The following MACF1 variants were observed in gnomAD, a reference collection of about 807,000 sequenced individuals.
The protein encoded by MACF1 is microtubule actin crosslinking factor 1, also known as microtubule-actin cross-linking factor 1.
Under a neutral mutation model 854.8 loss-of-function variants are expected in MACF1, and 193 were observed. The ratio of observed to expected loss-of-function variants is 0.23; its 90% CI spans 0.20 to 0.25. The LOEUF (loss-of-function observed/expected upper bound fraction) is 0.25, where lower values mean the gene tolerates loss of function less well. Among genes scored for constraint, MACF1 ranks in the 10% least tolerant of loss-of-function variants. The probability of loss-of-function intolerance (pLI) is 1.00; values close to 1 mark genes in which losing one functional copy is unlikely to be tolerated. For synonymous variants in MACF1, 3,185 were observed against 3,226.7 expected (o/e 0.99, Z 0.44); for missense variants, 7,722 against 8,929.1 (o/e 0.86, Z 5.45).
At chr1:39,251,075 C>T (rs1645035358) in intron 3 of MACF1, among the ~76,000 whole-genome samples, 1 of 152,186 alleles carries the variant, frequency 6.6e-6, no homozygotes. Context: ...GTTTAAGTAA[C>T]AGAATTTGGC....
At position 39,307,901 on chromosome 1, in the gene MACF1, C is replaced by CTTT. The variant is rs34930273; in HGVS notation, c.2790-1650_2790-1648dup. On this transcript the variant is annotated intron_variant, in intron 23 of 100. Transcript: ENST00000564288. ...TTATTTCTCTTTTCTTTCTTTCTTT[C>CTTT]TTTTTTTTTTTTTTTTTTTTTGAGA... is the stretch of plus-strand genomic sequence containing the variant. Among the ~76,000 whole-genome samples, 88 of 50,166 alleles carry CTTT rather than the reference C, an allele frequency of 1.8e-3. 2 individuals carry two copies. The highest frequency in any genetic ancestry group is 0.038 in the Middle Eastern group (1 of 26). 32.9% of individuals were successfully genotyped at this position (50,166 alleles called of 152,430 possible).
intron 52 of MACF1, among the ~76,000 whole-genome samples, chr1:39,373,944 CA>C (rs1222971498): frequency 6.6e-6 from 1 of 150,818 alleles, no homozygotes; most frequent in African/African-American, 2.4e-5. Context: ...GTCTTTGAAG[CA>C]AAATCTAATA....
chr1:39,388,604 G>T lies in MACF1; in HGVS notation c.15762G>T (p.Gln5254His). ...TTAAEEAEALQWVVGTEVEII... is the reference protein window; with the variant it reads ...TTAAEEAEALHWVVGTEVEII... ...CAGCAGAGGAGGCAGAGGCCCTCCA[G>T]TGGGTAGTGGGGACCGAAGTGGAAA... Residue 5254 changes from glutamine (Q) to histidine (H), a missense_variant, in exon 58 of 101, where the codon CAG becomes CAT. Around this residue, in one of 15 missense-constraint regions of MACF1, gnomAD observed 2,807 missense variants for 3,235.8 expected, o/e 0.87. Transcript: ENST00000564288. The T allele has an allele frequency of 6.2e-7, 1 of 1,607,748 alleles. No individual in the cohort carries two copies. Among genetic ancestry groups the T allele is most frequent in the Non-Finnish European group, 8.5e-7 (1 of 1,177,776 alleles).
chr1:39,188,623 TATTGATTG>T (rs747626743), intron 2 of MACF1, among the ~76,000 whole-genome samples: 6 of 152,124 alleles, frequency 3.9e-5, no homozygotes, highest in African/African-American at 1.2e-4. Context: ...TGTCAAAGTT[TATTGATTG>T]ATTGATTGAT....
At chr1:39,396,701 G>A (rs1642288162) in intron 58 of MACF1, among the ~76,000 whole-genome samples, 1 of 152,200 alleles carries the variant, frequency 6.6e-6, no homozygotes, top group Admixed American at 6.5e-5. Flanking sequence ...CTTCTAGGAA[G>A]TACGATGAGT....
intron 2 of MACF1, among the ~76,000 whole-genome samples, chr1:39,179,305 C>G (rs554745103): frequency 1.3e-5 from 2 of 152,306 alleles, no homozygotes; most frequent in East Asian, 3.9e-4. Flanking sequence ...TGGGACTTAG[C>G]TGCCCTTCTG....
intron 58 of MACF1, chr1:39,414,566 T>TA: frequency 6.4e-7 from 1 of 1,562,188 alleles, no homozygotes; most frequent in Non-Finnish European, 8.7e-7. Flanking sequence ...ATGGCACAGA[T>TA]AGTTCTTTTG....
At chr1:39,470,243 C>T (rs1644750808) in intron 97 of MACF1, among the ~76,000 whole-genome samples, 2 of 152,202 alleles carry the variant, frequency 1.3e-5, no homozygotes, top group African/African-American at 4.8e-5. Flanking sequence ...GCAGTTTTCA[C>T]ATGAATTCAG....
chr1:39,248,462 C>A (rs960360726), intron 2 of MACF1, among the ~76,000 whole-genome samples: 5 of 152,104 alleles, frequency 3.3e-5, no homozygotes, highest in Non-Finnish European at 7.4e-5. Flanking sequence ...GTCTCAGCCT[C>A]CCAAAGCACT....
intron 1 of MACF1, among the ~76,000 whole-genome samples, chr1:39,208,349 T>A (rs1199610733): frequency 6.6e-6 from 1 of 151,998 alleles, no homozygotes; most frequent in Non-Finnish European, 1.5e-5. Flanking sequence ...AAATACGAGT[T>A]CCTATTCTGT....
chr1:39,347,652 T>G (rs1234698658), intron 41 of MACF1, among the ~76,000 whole-genome samples: 1 of 152,194 alleles, frequency 6.6e-6, no homozygotes, highest in Non-Finnish European at 1.5e-5. Context: ...TTAATCTATT[T>G]CAAATGATTT....
intron 58 of MACF1, chr1:39,410,539 A>C (rs771312224): frequency 4.3e-6 from 7 of 1,614,062 alleles, no homozygotes; most frequent in Non-Finnish European, 5.9e-6. Context: ...AGAAGGTAAG[A>C]AGCTGGATGA....
At chr1:39,241,056 T>G (rs1035115959) in intron 2 of MACF1, among the ~76,000 whole-genome samples, 11 of 152,030 alleles carry the variant, frequency 7.2e-5, no homozygotes, top group Non-Finnish European at 1.3e-4. Context: ...ATCTGTTTTT[T>G]TTTTTTTTTT....
intron 52 of MACF1, among the ~76,000 whole-genome samples, chr1:39,378,204 A>C (rs1024919216): frequency 7.9e-5 from 12 of 152,168 alleles, no homozygotes; most frequent in Admixed American, 3.9e-4. Context: ...CAGAGAATTC[A>C]AGTTGGAGAT....
rs552698258 is a variant in MACF1, at chr1:39,373,031, G to T, written c.13213+435G>T. 3.6e-5 allele frequency: 7 copies of T among 194,396 alleles called. No homozygotes were observed. The South Asian group carries it at 6.3e-4, about 18-fold the overall frequency. The allele number at this position is 194,396 out of a possible 1,614,324, so 12.0% of individuals were successfully genotyped here. A position where few individuals can be genotyped will look rare whatever the true frequency, so the allele number is the denominator to read the frequency against. On this transcript the variant is annotated intron_variant, in intron 52 of 100. Transcript: ENST00000564288. ...ACTAAAAATACAAAAATTAGGCCAG[G>T]TGCGGCAGCTCACACCTGTAATCCC...
chr1:39,156,036 C>T (rs564819210), intron 2 of MACF1, among the ~76,000 whole-genome samples: 14 of 152,240 alleles, frequency 9.2e-5, no homozygotes, highest in East Asian at 1.9e-4. Flanking sequence ...TACAGGCGCC[C>T]GCCACCGCAC....
At chr1:39,165,020 G>A (rs1050579291) in intron 2 of MACF1, among the ~76,000 whole-genome samples, 10 of 152,174 alleles carry the variant, frequency 6.6e-5, no homozygotes, top group African/African-American at 1.7e-4. Flanking sequence ...AGCAGATAAC[G>A]TGAGGTTTTG....
At chr1:39,383,489 T>A (rs959778319) in intron 56 of MACF1, among the ~76,000 whole-genome samples, 1 of 152,228 alleles carries the variant, frequency 6.6e-6, no homozygotes, top group African/African-American at 2.4e-5. Flanking sequence ...TATATTTAAA[T>A]TTTTAAAATA....
intron 2 of MACF1, among the ~76,000 whole-genome samples, chr1:39,099,246 C>T (rs947024089): frequency 1.3e-5 from 2 of 152,194 alleles, no homozygotes; most frequent in African/African-American, 4.8e-5. Flanking sequence ...ACCTCTGCCT[C>T]CTGGGTTCAA....
Sources: gnomAD v4.1 joint callset for allele counts (sites outside exome capture counted in the v4.1 genomes callset) on GRCh38, gnomAD v4.1.1 for gene constraint, gnomAD v4.1.1 regional missense constraint, MANE v1.5 for transcripts, NCBI Gene and HGNC (gene_info 2026-07-23, HGNC 2026-07-21) for gene names.